Variants in ALB observed in about 807,000 individuals in gnomAD.
ALB encodes albumin, also known as serum albumin.
ALB carries 37 observed loss-of-function variants against 74.5 expected under a neutral mutation model. That is an observed-to-expected ratio of 0.50 (90% CI 0.38 to 0.65). The LOEUF is 0.65. ALB is among the 30% of genes least tolerant of loss of function. The probability of loss-of-function intolerance (pLI) is 0.00; values close to 1 mark genes in which losing one functional copy is unlikely to be tolerated. For missense variants in ALB, 685 were observed against 718.7 expected (o/e 0.95, Z 0.54); for synonymous variants, 249 against 251.6 (o/e 0.99, Z 0.10).
At chr4:73,417,854 T>TC (rs1425739400) in intron 11 of ALB, among the ~76,000 whole-genome samples, 185 bp downstream of exon 11, 1 of 151,654 alleles carries the variant, frequency 6.6e-6, no homozygotes, top group East Asian at 1.9e-4. Context: ...ATGATAATTT[T>TC]TTTTTTTTTT....
At chr4:73,408,914 G>A in intron 4 of ALB, 109 bp downstream of exon 4, 1 of 1,002,634 alleles carries the variant, frequency 1.0e-6, no homozygotes, top group Non-Finnish European at 1.4e-6. Flanking sequence ...ATTAAGACTT[G>A]GAAGTTTTGT....
intron 7 of ALB, chr4:73,412,364 G>C: frequency 1.9e-6 from 1 of 540,202 alleles, no homozygotes; most frequent in Admixed American, 2.8e-5. Context: ...TGCTCTAACT[G>C]TAAATGAAGG....
Position 73,415,113 on chromosome 4 carries a change from C to G in ALB, c.1137C>G (p.Thr379=). ...LLLRLAKTYE[T]TLEKCCAAAD... ...TGAGACTTGCCAAGACATATGAAACCACTCTAGAGAAGTGCTGTGCCGCTG... is the reference window on the plus strand; with the variant it reads ...TGAGACTTGCCAAGACATATGAAACGACTCTAGAGAAGTGCTGTGCCGCTG... Residue 379 remains threonine (T), a synonymous_variant, in exon 9 of 15, where the codon ACC becomes ACG. Transcript: ENST00000295897. 1 of 1,614,104 alleles carries G rather than the reference C, an allele frequency of 6.2e-7. No individual in the cohort carries two copies. Among genetic ancestry groups the G allele is most frequent in the South Asian group, 1.1e-5 (1 of 91,082 alleles).
rs1251190398 is a variant in ALB, at chr4:73,416,500, GAT to G, written c.1289+149_1289+150del. 8.7e-6 allele frequency: 6 copies of G among 688,512 alleles called. No homozygotes were observed. The East Asian group carries it at 1.7e-4, about 20-fold the overall frequency. The allele number at this position is 688,512 out of a possible 1,614,324, so 42.7% of individuals were successfully genotyped here. On this transcript the variant is annotated intron_variant, in intron 10 of 14. Coordinates refer to ENST00000295897, the MANE Select transcript of ALB (RefSeq NM_000477.7). ...TTGTCAAGAAAGATAGGAGAGGAGA[GAT>G]AAAATAGTTGATGGGGTGGAGAGGT... is the stretch of plus-strand genomic sequence containing the variant.
intron 3 of ALB, among the ~76,000 whole-genome samples, chr4:73,407,775 C>G (rs1055167117): frequency 3.9e-5 from 6 of 152,238 alleles, no homozygotes; most frequent in African/African-American, 1.2e-4. Context: ...TTTAGTATTT[C>G]CAGATCAATC....
At chr4:73,421,038 A>T in intron 14 of ALB, 54 bp from the exon 15 acceptor site, 1 of 666,424 alleles carries the variant, frequency 1.5e-6, no homozygotes, top group Non-Finnish European at 2.7e-6. Flanking sequence ...AATAGGTTTG[A>T]AAAACACATG....
At chr4:73,417,775 A>G (rs1719051491) in intron 11 of ALB, 106 bp downstream of exon 11, 1 of 1,089,998 alleles carries the variant, frequency 9.2e-7, no homozygotes, top group Non-Finnish European at 1.3e-6. Context: ...GTGTGTGTGC[A>G]TGTTTGTGTG....
intron 5 of ALB, among the ~76,000 whole-genome samples, 165 bp downstream of exon 5, chr4:73,409,652 A>G (rs781175418): frequency 7.2e-5 from 11 of 151,852 alleles, no homozygotes; most frequent in Non-Finnish European, 1.2e-4. Context: ...GAAGGCCTAC[A>G]CTCTCGTTTC....
chr4:73,420,272 G>C lies in ALB; in HGVS notation c.1804G>C (p.Ala602Pro). The part of the protein sequence containing the change: ...FAEEGKKLVA[A>P]SQAALGL The stretch of plus-strand genomic sequence containing the variant: ...TGTTCAGGGTAAAAAACTTGTTGCT[G>C]CAAGTCAAGCTGCCTTAGGCTTATA... The change falls in exon 14 of 15, where the codon GCA becomes CCA. Residue 602 changes from alanine (A) to proline (P), a missense_variant. Physicochemically the swap from Ala to Pro is conservative, Grantham distance 27. Coordinates refer to ENST00000295897, the MANE Select transcript of ALB (RefSeq NM_000477.7). The C allele has an allele frequency of 6.2e-7, 1 of 1,612,980 alleles. No individual in the cohort carries two copies. Among genetic ancestry groups the C allele is most frequent in the Non-Finnish European group, 8.5e-7 (1 of 1,179,310 alleles).
Position 73,420,253 on chromosome 4 carries a change from G to T in ALB, c.1786-1G>T. 6.2e-7 allele frequency: 1 copy of T among 1,612,152 alleles called. No homozygotes were observed. Among genetic ancestry groups the T allele is most frequent in the Non-Finnish European group, 8.5e-7 (1 of 1,178,652 alleles). The stretch of plus-strand genomic sequence containing the variant: ...AACATCTGTCATGTCTTTGTGTTCA[G>T]GGTAAAAAACTTGTTGCTGCAAGTC... On this transcript the variant is annotated splice_acceptor_variant, in intron 13 of 14. Coordinates refer to ENST00000295897, the MANE Select transcript of ALB (RefSeq NM_000477.7). LOFTEE classifies it high-confidence loss of function.
intron 2 of ALB, 145 bp from the exon 3 acceptor site, chr4:73,406,484 T>C: frequency 1.2e-6 from 1 of 808,498 alleles, no homozygotes; most frequent in Non-Finnish European, 2.0e-6. Context: ...AGATCATACC[T>C]GATATGAATA....
Position 73,417,799 on chromosome 4 carries a change from A to C in ALB, c.1428+130A>C, listed in dbSNP as rs1577941517. Reference sequence around the variant, plus strand: ...CATGTTTGTGTGCATGTGTGTGTGCATGCACGTGTGTGTATGTGTGATATT... The same window carrying C: ...CATGTTTGTGTGCATGTGTGTGTGCCTGCACGTGTGTGTATGTGTGATATT... On this transcript the variant is annotated intron_variant, in intron 11 of 14. Transcript: ENST00000295897. The C allele has an allele frequency of 7.7e-6, 7 of 903,416 alleles. No individual in the cohort carries two copies. The East Asian group carries it at 7.9e-5, about 10-fold the overall frequency. 56.0% of individuals were successfully genotyped at this position (903,416 alleles called of 1,614,324 possible).
intron 6 of ALB, among the ~76,000 whole-genome samples, chr4:73,410,760 A>C (rs769235023): frequency 6.6e-6 from 1 of 152,122 alleles, no homozygotes; most frequent in Non-Finnish European, 1.5e-5. Flanking sequence ...TTAATTTTTT[A>C]AAGTTATTTT....
chr4:73,420,290 G>A lies in ALB; in HGVS notation c.1822G>A (p.Gly608Ser). 1 of 1,612,132 alleles carries A rather than the reference G, an allele frequency of 6.2e-7. No individual in the cohort carries two copies. The highest frequency in any genetic ancestry group is 8.5e-7 in the Non-Finnish European group (1 of 1,178,756). The change falls in exon 14 of 15, where the codon GGC becomes AGC. Residue 608 changes from glycine to serine, a missense_variant. Coordinates refer to ENST00000295897, the MANE Select transcript of ALB (RefSeq NM_000477.7). ...KLVAASQAAL[G>S]L is the part of the protein sequence containing the mutation. ...TGTTGCTGCAAGTCAAGCTGCCTTA[G>A]GCTTATAACATCACATTTAAAAGCA...
intron 7 of ALB, among the ~76,000 whole-genome samples, chr4:73,412,692 G>A (rs976427306): frequency 6.6e-6 from 1 of 152,122 alleles, no homozygotes; most frequent in Non-Finnish European, 1.5e-5. Flanking sequence ...TGATCCACCC[G>A]CCTTGGCCTC....
chr4:73,416,161 A>G (rs184227181), intron 9 of ALB, 95 bp from the exon 10 acceptor site: 3 of 875,592 alleles, frequency 3.4e-6, no homozygotes, highest in East Asian at 2.6e-5. Flanking sequence ...TTGAGTAGGA[A>G]GAAGAAAGGA....
At chr4:73,419,159 A>G (rs1391521506) in intron 12 of ALB, 1 of 191,406 alleles carries the variant, frequency 5.2e-6, no homozygotes, top group African/African-American at 2.4e-5. Flanking sequence ...ATGACATAAT[A>G]TGGCACTTCC....
At position 73,408,606 on chromosome 4, in the gene ALB, G is replaced by A; in HGVS notation, c.283G>A (p.Gly95Arg). 6.2e-7 allele frequency: 1 copy of A among 1,613,812 alleles called. No homozygotes were observed. Among genetic ancestry groups the A allele is most frequent in the Non-Finnish European group, 8.5e-7 (1 of 1,179,834 alleles). Residue 95 changes from glycine to arginine, a missense_variant, in exon 4 of 15, where the codon GGA (glycine) becomes AGA (arginine). Transcript: ENST00000295897. ...TTCTTCCATTTAGCATACCCTTTTT[G>A]GAGACAAATTATGCACAGTTGCAAC... ...NCDKSLHTLF[G>R]DKLCTVATLR...
intron 3 of ALB, among the ~76,000 whole-genome samples, chr4:73,407,607 T>G (rs957848009): frequency 1.3e-5 from 2 of 152,214 alleles, no homozygotes; most frequent in Admixed American, 1.3e-4. Flanking sequence ...GATGATATCA[T>G]GGTTTTTATC....
Sources: allele counts gnomAD v4.1 joint callset (sites outside exome capture counted in the v4.1 genomes callset), GRCh38; gene constraint gnomAD v4.1.1; transcripts MANE v1.5; gene names NCBI Gene and HGNC (gene_info 2026-07-23, HGNC 2026-07-21).